The following AGBL4 variants were observed in gnomAD, a reference collection of about 807,000 sequenced individuals.
The protein encoded by AGBL4 is AGBL carboxypeptidase 4, also known as cytosolic carboxypeptidase 6.
A neutral mutation model predicts 66.4 loss-of-function variants in AGBL4; 58 were observed. That is an observed-to-expected ratio of 0.87 (90% CI 0.71 to 1.09). The LOEUF (loss-of-function observed/expected upper bound fraction) is 1.09. Among genes scored for constraint, AGBL4 ranks in the 50% least tolerant of loss-of-function variants. AGBL4 has a pLI of 0.00. For synonymous variants in AGBL4, 234 were observed against 222.9 expected (o/e 1.05, Z -0.44); for missense variants, 579 against 631.0 (o/e 0.92, Z 0.88).
chr1:49,499,720 CATAT>C (rs151053487), intron 3 of AGBL4, among the ~76,000 whole-genome samples: 2 of 145,318 alleles, frequency 1.4e-5, no homozygotes. Context: ...GAATGGTATT[CATAT>C]ATATATATAT....
At chr1:49,598,279 A>G (rs1324275988) in intron 3 of AGBL4, among the ~76,000 whole-genome samples, 1 of 152,098 alleles carries the variant, frequency 6.6e-6, no homozygotes, top group Non-Finnish European at 1.5e-5. Context: ...CCTTTGGAGG[A>G]GGAGATGCGC....
intron 3 of AGBL4, among the ~76,000 whole-genome samples, chr1:49,466,785 A>G (rs978754337): frequency 6.6e-6 from 1 of 151,756 alleles, no homozygotes; most frequent in Non-Finnish European, 1.5e-5. Flanking sequence ...AGAAAGACTT[A>G]ATTACTTCTG....
chr1:49,825,983 G>C (rs948559309), intron 2 of AGBL4, among the ~76,000 whole-genome samples: 1 of 151,874 alleles, frequency 6.6e-6, no homozygotes, highest in South Asian at 2.1e-4. Context: ...AACCAGAACT[G>C]TTTGTTTCCA....
At chr1:49,529,569 C>T (rs936050941) in intron 3 of AGBL4, among the ~76,000 whole-genome samples, 1 of 152,082 alleles carries the variant, frequency 6.6e-6, no homozygotes, top group African/African-American at 2.4e-5. Flanking sequence ...ATCCCAGCTA[C>T]TCAGGACGCT....
intron 2 of AGBL4, among the ~76,000 whole-genome samples, chr1:49,715,454 G>T (rs1481262257): frequency 1.3e-5 from 2 of 152,146 alleles, no homozygotes; most frequent in South Asian, 2.1e-4. Context: ...ATAGTAGAAT[G>T]ATTTATAATC....
chr1:48,731,437 AG>A (rs1232304342), intron 6 of AGBL4, among the ~76,000 whole-genome samples: 1 of 152,170 alleles, frequency 6.6e-6, no homozygotes, highest in African/African-American at 2.4e-5. Flanking sequence ...ATAGGCAATA[AG>A]GGTTAGACAA....
At chr1:48,772,189 C>G (rs900810071) in intron 6 of AGBL4, among the ~76,000 whole-genome samples, 2 of 152,148 alleles carry the variant, frequency 1.3e-5, no homozygotes, top group African/African-American at 4.8e-5. Flanking sequence ...ACATTCATGA[C>G]TAATAAAAAC....
chr1:48,834,822 G>T (rs968276829), intron 6 of AGBL4, among the ~76,000 whole-genome samples: 1 of 152,146 alleles, frequency 6.6e-6, no homozygotes, highest in African/African-American at 2.4e-5. Flanking sequence ...GTTGACCTTT[G>T]TCATCATTGA....
At chr1:49,009,872 C>T (rs1443333753) in intron 5 of AGBL4, among the ~76,000 whole-genome samples, 1 of 152,032 alleles carries the variant, frequency 6.6e-6, no homozygotes, top group African/African-American at 2.4e-5. Flanking sequence ...ATTGATGGGA[C>T]ATATCTCAAA....
At chr1:49,461,481 G>A (rs772513690) in intron 3 of AGBL4, among the ~76,000 whole-genome samples, 2 of 150,500 alleles carry the variant, frequency 1.3e-5, no homozygotes, top group Admixed American at 1.3e-4. Context: ...CTATTTCACT[G>A]AAGAATTTTC....
At chr1:49,738,768 C>T (rs1650134023) in intron 2 of AGBL4, among the ~76,000 whole-genome samples, 1 of 152,210 alleles carries the variant, frequency 6.6e-6, no homozygotes, top group African/African-American at 2.4e-5. Flanking sequence ...GTTCTGCAGC[C>T]TCTGCTGCTC....
chr1:48,977,239 C>A (rs866133965), intron 5 of AGBL4, among the ~76,000 whole-genome samples: 2 of 152,126 alleles, frequency 1.3e-5, no homozygotes, highest in Non-Finnish European at 2.9e-5. Flanking sequence ...TGTTTATTAA[C>A]CTTTCTGTTC....
chr1:49,774,290 C>T (rs1406738649), intron 2 of AGBL4, among the ~76,000 whole-genome samples: 10 of 152,280 alleles, frequency 6.6e-5, no homozygotes, highest in Non-Finnish European at 1.5e-4. Context: ...GTAGAAGTAT[C>T]CCCAGTTCTG....
At chr1:49,279,083 C>G (rs1384702656) in intron 3 of AGBL4, among the ~76,000 whole-genome samples, 1 of 152,104 alleles carries the variant, frequency 6.6e-6, no homozygotes, top group African/African-American at 2.4e-5. Flanking sequence ...GGATTGCAAA[C>G]AGCAGATAAA....
chr1:48,861,625 C>T (rs1159378278), intron 6 of AGBL4, among the ~76,000 whole-genome samples: 1 of 152,222 alleles, frequency 6.6e-6, no homozygotes, highest in Non-Finnish European at 1.5e-5. Flanking sequence ...AATTCTACTG[C>T]TGTTGCATCC....
intron 4 of AGBL4, among the ~76,000 whole-genome samples, chr1:49,104,202 A>G (rs1019886788): frequency 2.0e-5 from 3 of 152,156 alleles, no homozygotes; most frequent in African/African-American, 7.2e-5. Flanking sequence ...GGCATTTCTG[A>G]GTCCTCATGA....
intron 5 of AGBL4, among the ~76,000 whole-genome samples, chr1:49,039,062 T>G (rs1054469822): frequency 3.3e-5 from 5 of 152,044 alleles, no homozygotes; most frequent in Non-Finnish European, 7.4e-5. Flanking sequence ...TAAACTTAAG[T>G]GCATGTCACG....
chr1:49,968,219 CAA>C (rs10661536), intron 1 of AGBL4, among the ~76,000 whole-genome samples: 3 of 135,450 alleles, frequency 2.2e-5, no homozygotes, highest in African/African-American at 2.8e-5. Flanking sequence ...GGGAGACTGT[CAA>C]AAAAAAAAAA....
downstream of AGBL4, among the ~76,000 whole-genome samples, chr1:48,529,694 C>T (rs1044997546): frequency 5.9e-5 from 9 of 152,062 alleles, no homozygotes; most frequent in Non-Finnish European, 8.8e-5. Flanking sequence ...AAATGAGGGA[C>T]ATAGTAGGCT....
Sources: allele counts gnomAD v4.1 joint callset (sites outside exome capture counted in the v4.1 genomes callset), GRCh38; gene constraint gnomAD v4.1.1; transcripts MANE v1.5; gene names NCBI Gene and HGNC (gene_info 2026-07-23, HGNC 2026-07-21).